The following FAM13B variants were observed in gnomAD, a reference collection of about 807,000 sequenced individuals.
FAM13B encodes the protein family with sequence similarity 13 member B.
A neutral mutation model predicts 117.3 loss-of-function variants in FAM13B; 60 were observed. That is an observed-to-expected ratio of 0.51 (90% CI 0.42 to 0.63). FAM13B has a LOEUF of 0.63. Among genes scored for constraint, FAM13B ranks in the 30% least tolerant of loss-of-function variants. The pLI is 0.00. For synonymous variants in FAM13B, 332 were observed against 356.1 expected (o/e 0.93, Z 0.76); for missense variants, 972 against 1,091.9 (o/e 0.89, Z 1.55).
chr5:137,940,279 C>G lies in FAM13B; in HGVS notation c.2760G>C (p.Lys920Asn), dbSNP rs201094212. The G allele has an allele frequency of 9.8e-5, 158 of 1,613,476 alleles. No individual in the cohort carries two copies. The highest frequency in any genetic ancestry group is 3.3e-4 in the Middle Eastern group (2 of 6,060). The change falls in exon 24 of 24, where the codon AAG (lysine) becomes AAC (asparagine). Residue 920 changes from lysine to asparagine, a missense_variant. Coordinates refer to ENST00000689681, the MANE Select transcript of FAM13B (RefSeq NM_001385994.1). ...TTATAAGAACTTCAAGAAGCCTAAGCTTGGCTTTAATTTTCTTGTACTCTC... is the reference window on the plus strand; with the variant it reads ...TTATAAGAACTTCAAGAAGCCTAAGGTTGGCTTTAATTTTCTTGTACTCTC... ...EYREYKKIKA[K>N]LRLLEVLISK...
chr5:137,968,703 T>G (rs1770919501), intron 10 of FAM13B, among the ~76,000 whole-genome samples: 1 of 152,162 alleles, frequency 6.6e-6, no homozygotes, highest in African/African-American at 2.4e-5. Context: ...GGTACCGGGT[T>G]CATCTCACTA....
intron 1 of FAM13B, among the ~76,000 whole-genome samples, chr5:138,024,255 G>A (rs1455159450): frequency 6.6e-6 from 1 of 151,920 alleles, no homozygotes; most frequent in Non-Finnish European, 1.5e-5. Context: ...ATTTAGGGCA[G>A]GCCCTAAATC....
Position 137,946,202 on chromosome 5 carries a change from A to C in FAM13B, c.2244+26T>G. The C allele has an allele frequency of 6.4e-6, 10 of 1,550,972 alleles. No homozygotes were observed. In the Admixed American group the frequency reaches 1.8e-4, roughly 29 times the overall value. On this transcript the variant is annotated intron_variant, in intron 19 of 23. Transcript: ENST00000689681. ...TGTTCTTTTTTAAGACATAAAATCA[A>C]ATCTTTTTAGCAAGAGAGATATTAC...
chr5:137,985,277 C>G lies in FAM13B; in HGVS notation c.1159G>C (p.Glu387Gln). The change falls in exon 10 of 24, where the codon GAG becomes CAG. Residue 387 changes from glutamate (E) to glutamine (Q), a missense_variant. Glu to Gln is a conservative substitution (Grantham distance 29). Transcript: ENST00000689681. ...NEAMQQDCVF[E>Q]NEENTQSVGI... ...CTTACCTGGGTATTTTCTTCATTCT[C>G]AAATACACAATCTTGCTGCATAGCT... 1 of 1,613,666 alleles carries G rather than the reference C, an allele frequency of 6.2e-7. No individual in the cohort carries two copies. The highest frequency in any genetic ancestry group is 8.5e-7 in the Non-Finnish European group (1 of 1,179,906).
rs1359140865 is a variant in FAM13B, at chr5:137,960,070, A to G, written c.1293+96T>C. On this transcript the variant is annotated intron_variant, in intron 12 of 23. Transcript: ENST00000689681. ...ATATTTGGTAAGAGTATTTATATTT[A>G]AATCTTTAAACCTAGCTAACCCACA... 5.0e-6 allele frequency: 4 copies of G among 792,620 alleles called. No individual in the cohort carries two copies. The East Asian group carries it at 1.1e-4, about 21-fold the overall frequency. 49.1% of individuals were successfully genotyped at this position (792,620 alleles called of 1,614,324 possible).
chr5:137,966,488 T>TATATATATATATAGAGAGAGAGAGAG (rs1461425784), intron 10 of FAM13B, among the ~76,000 whole-genome samples: 4 of 29,484 alleles, frequency 1.4e-4, no homozygotes, highest in African/African-American at 5.1e-4. Context: ...TATATATATA[T>TATATATATATATAGAGAGAGAGAGAG]AGAGAGAGAG....
intron 1 of FAM13B, among the ~76,000 whole-genome samples, chr5:138,047,482 G>A (rs1791676851): frequency 6.8e-6 from 1 of 148,002 alleles, no homozygotes; most frequent in Admixed American, 6.9e-5. Context: ...CTCCAGCCTG[G>A]TGACAGAGCA....
rs529973672 is a variant in FAM13B, at chr5:137,992,247, T to A, written c.849-3932A>T. Among the ~76,000 whole-genome samples the A allele has an allele frequency of 3.3e-5, 5 of 151,268 alleles. No homozygotes were observed. The East Asian group carries it at 7.7e-4, about 23-fold the overall frequency. On this transcript the variant is annotated intron_variant, in intron 7 of 23. Coordinates refer to ENST00000689681, the MANE Select transcript of FAM13B (RefSeq NM_001385994.1). ...TTTTATATAATAAAAAATAATAAAA[T>A]TTTTAAAACCTATTTTTAATATAAA...
chr5:137,959,165 G>A (rs1408506724), intron 13 of FAM13B, among the ~76,000 whole-genome samples: 3 of 152,064 alleles, frequency 2.0e-5, no homozygotes, highest in Non-Finnish European at 4.4e-5. Flanking sequence ...CAGGAATATG[G>A]TACAATATTT....
At chr5:137,942,173 C>A in intron 22 of FAM13B, 128 bp from the exon 23 acceptor site, 1 of 681,378 alleles carries the variant, frequency 1.5e-6, no homozygotes, top group South Asian at 1.9e-5. Context: ...CTAAGCTCCA[C>A]TGCAAACCAA....
In FAM13B at chr5:138,014,126, AG is replaced by A. The variant is rs147633373; in HGVS notation, c.371-2182del. On this transcript the variant is annotated intron_variant, in intron 4 of 23. Coordinates refer to ENST00000689681, the MANE Select transcript of FAM13B (RefSeq NM_001385994.1). ...TATTTTTTGAAGTTTCTGTAACAAC[AG>A]GGTCTCCCTATGTTGCCCAGACTGG... 5.6e-3 allele frequency among the ~76,000 whole-genome samples: 851 copies of A among 152,328 alleles called. 9 individuals are homozygous for A. The highest frequency in any genetic ancestry group is 0.019 in the African/African-American group (803 of 41,570).
At position 137,942,087 on chromosome 5, in the gene FAM13B, C is replaced by A. The variant is rs773434415; in HGVS notation, c.2589-42G>T. 16 of 1,499,340 alleles carry A rather than the reference C, an allele frequency of 1.1e-5. 1 individual carries two copies. In the South Asian group the frequency reaches 1.8e-4, roughly 17 times the overall value. The allele number at this position is 1,499,340 out of a possible 1,614,324, so 92.9% of individuals were successfully genotyped here. On this transcript the variant is annotated intron_variant, in intron 22 of 23. Transcript: ENST00000689681. ...AAAATACTGAAGGGCACACTTGATTCATTATATTCTTAAGAGAGGTTCTAT... is the reference window on the plus strand; with the variant it reads ...AAAATACTGAAGGGCACACTTGATTAATTATATTCTTAAGAGAGGTTCTAT...
At chr5:138,020,881 C>T (rs1786551258) in intron 2 of FAM13B, 150 bp downstream of exon 2, 3 of 437,664 alleles carry the variant, frequency 6.9e-6, no homozygotes, top group Non-Finnish European at 1.1e-5. Flanking sequence ...TTTACATAGT[C>T]TCAGACAAGC....
At chr5:138,018,865 TA>T (rs61387863) in intron 3 of FAM13B, 89 bp downstream of exon 3, 9,671 of 908,246 alleles carry the variant, frequency 0.011, 1 homozygote, top group South Asian at 0.013. Context: ...CTTTCCATAT[TA>T]AAAAAAAAAA....
At chr5:138,012,477 T>C (rs543774824) in intron 4 of FAM13B, among the ~76,000 whole-genome samples, 7 of 152,212 alleles carry the variant, frequency 4.6e-5, no homozygotes, top group Non-Finnish European at 7.3e-5. Context: ...AAATAAACAA[T>C]TAACTTCAGC....
chr5:137,938,560 G>C lies in FAM13B; in HGVS notation c.*1665C>G, dbSNP rs1486840295. On this transcript the variant is annotated 3_prime_UTR_variant, in exon 24 of 24. Transcript: ENST00000689681. ...GGTATACATTATGAATAACCTAGTT[G>C]TATCAAAAGGAAACCACACAAAAAG... The C allele has an allele frequency of 6.6e-6, 1 of 152,484 alleles. No individual in the cohort carries two copies. The highest frequency in any genetic ancestry group is 1.5e-5 in the Non-Finnish European group (1 of 68,002). The allele number at this position is 152,484 out of a possible 1,614,324, so 9.4% of individuals were successfully genotyped here. A position where few individuals can be genotyped will look rare whatever the true frequency, so the allele number is the denominator to read the frequency against.
At chr5:137,990,103 G>T (rs1007011116) in intron 7 of FAM13B, among the ~76,000 whole-genome samples, 2 of 152,136 alleles carry the variant, frequency 1.3e-5, no homozygotes, top group Admixed American at 6.5e-5. Context: ...ATACACTATT[G>T]CTTACATATT....
At chr5:137,997,394 G>A (rs1297201960) in intron 7 of FAM13B, among the ~76,000 whole-genome samples, 14 of 151,984 alleles carry the variant, frequency 9.2e-5, no homozygotes, top group African/African-American at 2.7e-4. Flanking sequence ...ACTTGAACCC[G>A]GGAGGCGGAG....
chr5:138,020,125 A>G, intron 2 of FAM13B: 2 of 467,184 alleles, frequency 4.3e-6, no homozygotes, highest in Non-Finnish European at 5.6e-6. Context: ...CAATGGTGCA[A>G]TCTTGGCTCA....
Sources: gnomAD v4.1 joint callset for allele counts (sites outside exome capture counted in the v4.1 genomes callset) on GRCh38, gnomAD v4.1.1 for gene constraint, MANE v1.5 for transcripts, NCBI Gene and HGNC (gene_info 2026-07-23, HGNC 2026-07-21) for gene names.